NCKAP1: variants seen among roughly 807,000 people sequenced by gnomAD.
NCKAP1 encodes NCK associated protein 1.
Under a neutral mutation model 151.2 loss-of-function variants are expected in NCKAP1, and 21 were observed. The ratio of observed to expected loss-of-function variants is 0.14; its 90% confidence interval spans 0.10 to 0.20. The LOEUF is 0.20. NCKAP1 is among the 10% of genes least tolerant of loss of function. NCKAP1 has a pLI of 1.00. For synonymous variants in NCKAP1, 484 were observed against 451.8 expected, an observed-to-expected ratio of 1.07 and a Z score of -0.90; for missense variants, 933 against 1,352.1, an observed-to-expected ratio of 0.69 and a Z score of 4.86.
At chr2:182,966,813 AAT>A (rs1223426318) in intron 16 of NCKAP1, among the ~76,000 whole-genome samples, 1 of 152,200 alleles carries the variant, frequency 6.6e-6, no homozygotes, top group Non-Finnish European at 1.5e-5. Context: ...TCTTCATATT[AAT>A]GTTTAATTTT....
intron 15 of NCKAP1, among the ~76,000 whole-genome samples, chr2:182,973,680 G>C (rs1697745593): frequency 6.6e-6 from 1 of 152,136 alleles, no homozygotes; most frequent in Admixed American, 6.5e-5. Flanking sequence ...CTGGCCATGT[G>C]CTTTTACCTA....
In NCKAP1 at chr2:182,912,510, C is replaced by G. The variant is rs1696410903; in HGVS notation, c.*13192G>C. ...CAATGACCTGTAAAAATTATATATT[C>G]AGAAAGGCATTTTTCTCAGCAAAAG... On this transcript the variant is annotated 3_prime_UTR_variant, in exon 31 of 31. Coordinates refer to ENST00000361354, the MANE Select transcript of NCKAP1 (RefSeq NM_013436.5). The G allele has an allele frequency of 6.6e-6, 1 of 152,098 alleles. No individual in the cohort carries two copies. Among genetic ancestry groups the G allele is most frequent in the Admixed American group, 6.5e-5 (1 of 15,272 alleles). 9.4% of individuals were successfully genotyped at this position (152,098 alleles called of 1,614,324 possible). A position where few individuals can be genotyped will look rare whatever the true frequency, so the allele number is the denominator to read the frequency against.
In NCKAP1 at chr2:182,967,380, A is replaced by G; in HGVS notation, c.1483-19T>C. 2 of 1,581,244 alleles carry G rather than the reference A, an allele frequency of 1.3e-6. No individual in the cohort carries two copies. The highest frequency in any genetic ancestry group is 1.7e-6 in the Non-Finnish European group (2 of 1,169,926). On this transcript the variant is annotated intron_variant, in intron 15 of 30. Transcript: ENST00000361354. ...TATATGCCTATAAAGTACAAAAAAA[A>G]AAAAGTAGTTCAGGTAAACATAAAT...
intron 1 of NCKAP1, among the ~76,000 whole-genome samples, chr2:183,034,963 T>C (rs980145763): frequency 6.6e-6 from 1 of 152,130 alleles, no homozygotes; most frequent in Non-Finnish European, 1.5e-5. Context: ...AAGATTGGAA[T>C]GCAAGTCTCT....
chr2:183,003,762 C>T (rs777193754), intron 2 of NCKAP1, among the ~76,000 whole-genome samples: 10 of 152,028 alleles, frequency 6.6e-5, no homozygotes, highest in Non-Finnish European at 1.0e-4. Context: ...AGCCACGTTA[C>T]GCATGCAAAA....
intron 15 of NCKAP1, among the ~76,000 whole-genome samples, chr2:182,968,282 G>A (rs1216924029): frequency 3.9e-5 from 6 of 152,166 alleles, no homozygotes; most frequent in Non-Finnish European, 8.8e-5. Flanking sequence ...GCAATAAGAC[G>A]GCATTACAAT....
intron 23 of NCKAP1, among the ~76,000 whole-genome samples, chr2:182,945,025 A>G (rs375899096): frequency 1.3e-5 from 2 of 152,174 alleles, no homozygotes; most frequent in South Asian, 2.1e-4. Flanking sequence ...ACCTGAGGTC[A>G]GGAGTTTGAA....
intron 29 of NCKAP1, chr2:182,927,127 TTCTTATTGG>T (rs1696664446): frequency 2.5e-6 from 1 of 404,542 alleles, no homozygotes; most frequent in African/African-American, 2.1e-5. Flanking sequence ...TAATCAAATA[TTCTTATTGG>T]TCTTTAAAAC....
rs144468405 is a variant in NCKAP1, at chr2:182,934,796, T to C, written c.2815A>G (p.Ile939Val). The C allele has an allele frequency of 1.2e-4, 181 of 1,487,136 alleles. No homozygotes were observed. The African/African-American group carries it at 1.8e-3, about 15-fold the overall frequency. The allele number at this position is 1,487,136 out of a possible 1,614,324, so 92.1% of individuals were successfully genotyped here. ...SYHIPFLVSSIEDFKDHIPRE... is the reference protein window; with the variant it reads ...SYHIPFLVSSVEDFKDHIPRE... ...GGAATGTGATCCTTAAAATCTTCAA[T>C]TGAACTTACAAGAAAAGGAATGTGG... The change falls in exon 26 of 31, where the codon ATT becomes GTT. Residue 939 changes from isoleucine (I) to valine (V), a missense_variant. Physicochemically the swap from Ile to Val is conservative, Grantham distance 29. Transcript: ENST00000361354.
intron 23 of NCKAP1, 84 bp downstream of exon 23, chr2:182,952,321 A>G: frequency 1.2e-6 from 1 of 817,312 alleles, no homozygotes; most frequent in South Asian, 2.5e-5. Flanking sequence ...AAAATAATTA[A>G]CATTGTAGGC....
chr2:182,977,438 C>T (rs1697848322), intron 14 of NCKAP1, among the ~76,000 whole-genome samples: 1 of 152,100 alleles, frequency 6.6e-6, no homozygotes, highest in South Asian at 2.1e-4. Context: ...TACAGTAAGC[C>T]GAGATTGTAC....
chr2:182,955,813 T>G (rs1697312741), intron 20 of NCKAP1, among the ~76,000 whole-genome samples: 1 of 152,124 alleles, frequency 6.6e-6, no homozygotes, highest in Admixed American at 6.5e-5. Flanking sequence ...TCCCTCCCAC[T>G]TTTCTCTAAA....
At chr2:182,986,336 C>T (rs1698056227) in intron 9 of NCKAP1, 109 bp from the exon 10 acceptor site, 1 of 882,018 alleles carries the variant, frequency 1.1e-6, no homozygotes. Flanking sequence ...AATTCAGAAA[C>T]TGGCCATCAA....
In NCKAP1 at chr2:182,986,214, T is replaced by C. The variant is rs1203139405; in HGVS notation, c.961A>G (p.Ile321Val). 6.2e-7 allele frequency: 1 copy of C among 1,613,546 alleles called. No individual in the cohort carries two copies. The highest frequency in any genetic ancestry group is 1.3e-5 in the African/African-American group (1 of 75,038). Residue 321 changes from isoleucine (I) to valine (V), a missense_variant, in exon 10 of 31, where the codon ATT (isoleucine) becomes GTT (valine). Coordinates refer to ENST00000361354, the MANE Select transcript of NCKAP1 (RefSeq NM_013436.5). The stretch of plus-strand genomic sequence containing the variant: ...TCCTTGCATTCTCTTATGTCATTAA[T>C]ACGTTTATTATAGCTAGGTGCAAAA... ...FVNIRGYNKR[I>V]NDIRECKEAA...
intron 1 of NCKAP1, among the ~76,000 whole-genome samples, chr2:183,035,312 T>C (rs2705744): frequency 0.06 from 9,159 of 152,078 alleles, 442 homozygotes; most frequent in African/African-American, 0.13. Context: ...TCAGTAATCA[T>C]GCTCCAACTT....
At chr2:183,018,394 T>G (rs1221438349) in intron 2 of NCKAP1, among the ~76,000 whole-genome samples, 2 of 152,194 alleles carry the variant, frequency 1.3e-5, no homozygotes, top group Non-Finnish European at 2.9e-5. Flanking sequence ...GTTACTATCT[T>G]AATAGGAGTC....
chr2:182,938,937 A>G, intron 24 of NCKAP1, among the ~76,000 whole-genome samples: 1 of 152,200 alleles, frequency 6.6e-6, no homozygotes, highest in Non-Finnish European at 1.5e-5. Flanking sequence ...TGAGAGTTGA[A>G]TTTCAAAGTT....
chr2:183,021,887 T>A (rs756124161), intron 2 of NCKAP1, among the ~76,000 whole-genome samples: 4 of 152,150 alleles, frequency 2.6e-5, no homozygotes, highest in Admixed American at 1.3e-4. Flanking sequence ...CACAACTCTG[T>A]GAATGTACTT....
Position 182,937,007 on chromosome 2 carries a change from CG to C in NCKAP1, c.2696-1633del, listed in dbSNP as rs540385872. ...GCACGTGCTTGTAGTCCCAGCTACT[CG>C]GGAGACTGAGGCAGGAGAATGTCTT... is the stretch of plus-strand genomic sequence containing the variant. On this transcript the variant is annotated intron_variant, in intron 24 of 30. Coordinates refer to ENST00000361354, the MANE Select transcript of NCKAP1 (RefSeq NM_013436.5). 3.4e-5 allele frequency among the ~76,000 whole-genome samples: 5 copies of C among 147,812 alleles called. No homozygotes were observed. The South Asian group carries it at 1.1e-3, about 32-fold the overall frequency.
Sources: gnomAD v4.1 joint callset for allele counts (sites outside exome capture counted in the v4.1 genomes callset) on GRCh38, gnomAD v4.1.1 for gene constraint, MANE v1.5 for transcripts, NCBI Gene and HGNC (gene_info 2026-07-23, HGNC 2026-07-21) for gene names.